Variants in ROBO2 observed in about 807,000 individuals in gnomAD.
The protein encoded by ROBO2 is roundabout homolog 2.
ROBO2 carries 53 observed loss-of-function variants against 160.8 expected under a neutral mutation model. The ratio of observed to expected loss-of-function variants is 0.33; its 90% CI spans 0.26 to 0.41. ROBO2 has a LOEUF of 0.41. Among genes scored for constraint, ROBO2 ranks in the 10% least tolerant of loss-of-function variants. The probability of loss-of-function intolerance (pLI) is 1.00; values close to 1 mark genes in which losing one functional copy is unlikely to be tolerated. For synonymous variants in ROBO2, 664 were observed against 611.7 expected, an observed-to-expected ratio of 1.09 and a Z score of -1.26; for missense variants, 1,577 against 1,722.4, an observed-to-expected ratio of 0.92 and a Z score of 1.49.
At chr3:77,499,802 C>T (rs1392912626) in intron 5 of ROBO2, among the ~76,000 whole-genome samples, 3 of 151,998 alleles carry the variant, frequency 2.0e-5, no homozygotes, top group South Asian at 4.2e-4. Context: ...GCGCCCACCA[C>T]CACGCCCAGC....
intron 2 of ROBO2, among the ~76,000 whole-genome samples, chr3:76,647,600 C>T (rs373626888): frequency 2.0e-5 from 3 of 152,106 alleles, no homozygotes; most frequent in Admixed American, 6.6e-5. Flanking sequence ...TTTAATATAA[C>T]CTTGAGGCAA....
chr3:77,190,587 G>A (rs535544522), intron 2 of ROBO2, among the ~76,000 whole-genome samples: 1 of 152,056 alleles, frequency 6.6e-6, no homozygotes, highest in African/African-American at 2.4e-5. Context: ...TGAAAAACAA[G>A]CAGGATCTTG....
chr3:77,408,766 T>A (rs2153519075), intron 2 of ROBO2, among the ~76,000 whole-genome samples: 1 of 152,228 alleles, frequency 6.6e-6, no homozygotes, highest in African/African-American at 2.4e-5. Flanking sequence ...TGTGGCACAG[T>A]CTGGATTGCA....
chr3:77,207,305 TCTAAAATAGGATAAACTTTATATGATA>T (rs1251464173), intron 2 of ROBO2, among the ~76,000 whole-genome samples: 18 of 152,316 alleles, frequency 1.2e-4, no homozygotes, highest in African/African-American at 4.1e-4. Flanking sequence ...TTAGAATCAT[TCTAAAATAGGATAAACTTTATATGATA>T]CCAAAAATCC....
chr3:77,062,959 T>TA (rs200656008), intron 1 of ROBO2, among the ~76,000 whole-genome samples: 1 of 152,098 alleles, frequency 6.6e-6, no homozygotes, highest in East Asian at 1.9e-4. Context: ...ACATTTTTTT[T>TA]AATAATAAAG....
At chr3:76,440,193 G>A (rs964195853) in intron 2 of ROBO2, among the ~76,000 whole-genome samples, 7 of 152,026 alleles carry the variant, frequency 4.6e-5, no homozygotes, top group African/African-American at 9.7e-5. Context: ...GGGTCCAGAT[G>A]TACAACCCCA....
At chr3:76,158,834 T>C (rs969935667) in intron 2 of ROBO2, among the ~76,000 whole-genome samples, 5 of 152,194 alleles carry the variant, frequency 3.3e-5, no homozygotes, top group Non-Finnish European at 5.9e-5. Flanking sequence ...TGGGGCATTC[T>C]ATTATACAGT....
chr3:76,027,909 G>A (rs1257559933), intron 2 of ROBO2, among the ~76,000 whole-genome samples: 2 of 151,922 alleles, frequency 1.3e-5, no homozygotes, highest in Non-Finnish European at 2.9e-5. Context: ...ACAGATGAGG[G>A]TAGGATACTT....
At chr3:77,600,165 C>T (rs1047098359) in intron 19 of ROBO2, among the ~76,000 whole-genome samples, 1 of 152,144 alleles carries the variant, frequency 6.6e-6, no homozygotes, top group Non-Finnish European at 1.5e-5. Flanking sequence ...TATGACATCA[C>T]CTATTTAGGT....
chr3:76,323,371 A>T (rs186699928), intron 2 of ROBO2, among the ~76,000 whole-genome samples: 2 of 152,250 alleles, frequency 1.3e-5, no homozygotes, highest in East Asian at 3.9e-4. Flanking sequence ...TTTTAGGCTC[A>T]TTATAGATGT....
intron 2 of ROBO2, among the ~76,000 whole-genome samples, chr3:75,941,951 T>C (rs558305880): frequency 7.9e-5 from 12 of 152,218 alleles, no homozygotes; most frequent in Admixed American, 7.9e-4. Context: ...GAAGGGAAGG[T>C]TAGATAAACA....
chr3:76,959,635 C>T (rs145469990), intron 2 of ROBO2, among the ~76,000 whole-genome samples: 17 of 152,216 alleles, frequency 1.1e-4, no homozygotes, highest in African/African-American at 3.4e-4. Context: ...ATTAATGATA[C>T]GAGTGCATCC....
At chr3:77,295,265 C>CG (rs1320949194) in intron 2 of ROBO2, among the ~76,000 whole-genome samples, 1 of 139,152 alleles carries the variant, frequency 7.2e-6, no homozygotes, top group African/African-American at 2.8e-5. Flanking sequence ...GACGATTAAA[C>CG]GGTAAGCTGA....
At chr3:77,571,962 C>A (rs567615200) in intron 13 of ROBO2, among the ~76,000 whole-genome samples, 1 of 151,298 alleles carries the variant, frequency 6.6e-6, no homozygotes, top group East Asian at 1.9e-4. Flanking sequence ...AATTATTAAG[C>A]CCCATACGAT....
At chr3:76,357,649 G>T (rs182196283) in intron 2 of ROBO2, among the ~76,000 whole-genome samples, 1 of 151,792 alleles carries the variant, frequency 6.6e-6, no homozygotes, top group Non-Finnish European at 1.5e-5. Context: ...TGACTTGAAC[G>T]TTTAATAACA....
intron 2 of ROBO2, among the ~76,000 whole-genome samples, chr3:76,279,275 G>A (rs1004632148): frequency 1.3e-5 from 2 of 151,654 alleles, no homozygotes; most frequent in Non-Finnish European, 2.9e-5. Flanking sequence ...TTTTTAAAAA[G>A]AGCTTGTGTA....
rs140392278 is a variant in ROBO2, at chr3:77,185,673, G to A, written c.388+87333G>A. On this transcript the variant is annotated intron_variant, in intron 2 of 25. Transcript: ENST00000461745. The stretch of plus-strand genomic sequence containing the variant: ...TCTCACTACTGGGTGTCTACCCAGA[G>A]GAAAAGAAGTGATTATATGAAAAAG... 4.3e-3 allele frequency among the ~76,000 whole-genome samples: 648 copies of A among 151,974 alleles called. 8 individuals are homozygous for A. The highest frequency in any genetic ancestry group is 4.1e-3 in the Non-Finnish European group (276 of 67,940).
At chr3:77,594,619 T>G (rs2094256183) in intron 17 of ROBO2, among the ~76,000 whole-genome samples, 1 of 152,210 alleles carries the variant, frequency 6.6e-6, no homozygotes, top group African/African-American at 2.4e-5. Context: ...GTTGTAATTA[T>G]CACTGTTTAT....
chr3:76,894,083 A>G (rs969467865), intron 2 of ROBO2, among the ~76,000 whole-genome samples: 1 of 152,112 alleles, frequency 6.6e-6, no homozygotes, highest in Non-Finnish European at 1.5e-5. Flanking sequence ...ACCCTTTTGA[A>G]GTCTTGGTCT....
Sources: allele counts gnomAD v4.1 joint callset (sites outside exome capture counted in the v4.1 genomes callset), GRCh38; gene constraint gnomAD v4.1.1; transcripts MANE v1.5; gene names NCBI Gene and HGNC (gene_info 2026-07-23, HGNC 2026-07-21).